Variants in PTPRM observed in about 807,000 individuals in gnomAD.
PTPRM encodes the protein protein tyrosine phosphatase receptor type M, also known as receptor-type tyrosine-protein phosphatase mu.
A neutral mutation model predicts 186.7 loss-of-function variants in PTPRM; 47 were observed. The observed-to-expected ratio is 0.25, with a 90% CI of 0.20 to 0.32. The LOEUF is 0.32. Among genes scored for constraint, PTPRM ranks in the 10% least tolerant of loss-of-function variants. PTPRM has a pLI of 1.00. For synonymous variants in PTPRM, 668 were observed against 674.9 expected, an observed-to-expected ratio of 0.99 and a Z score of 0.16; for missense variants, 1,494 against 1,865.0, an observed-to-expected ratio of 0.80 and a Z score of 3.66.
At chr18:7,772,264 C>CTTTTCTTTTCTTTTCTTTTCTT (rs1323730996) in intron 1 of PTPRM, among the ~76,000 whole-genome samples, 7 of 151,418 alleles carry the variant, frequency 4.6e-5, no homozygotes, top group African/African-American at 1.5e-4. Flanking sequence ...CTTTTCTTTT[C>CTTTTCTTTTCTTTTCTTTTCTT]TTTTCTTTTC....
intron 7 of PTPRM, among the ~76,000 whole-genome samples, chr18:8,036,377 A>G (rs1272271618): frequency 6.6e-6 from 1 of 152,224 alleles, no homozygotes; most frequent in African/African-American, 2.4e-5. Flanking sequence ...GCGTTGGGTA[A>G]GTAGTTGTAT....
Position 8,267,694 on chromosome 18 carries a change from T to A in PTPRM, c.2754+14280T>A, listed in dbSNP as rs575094551. Among the ~76,000 whole-genome samples, 5 of 152,320 alleles carry A rather than the reference T, an allele frequency of 3.3e-5. No individual in the cohort carries two copies. The East Asian group carries it at 9.6e-4, about 29-fold the overall frequency. On this transcript the variant is annotated intron_variant, in intron 19 of 32. Transcript: ENST00000580170. ...AGTATATAAAATGCTTAAGATTCAT[T>A]ACATACTCCTGTTTTGACAACCTGT...
At chr18:8,238,808 T>G (rs1470221508) in intron 14 of PTPRM, among the ~76,000 whole-genome samples, 1 of 151,456 alleles carries the variant, frequency 6.6e-6, no homozygotes, top group Non-Finnish European at 1.5e-5. Context: ...TAGTCTATAG[T>G]GAACCTGTGC....
At chr18:7,930,061 A>C (rs2051389385) in intron 5 of PTPRM, among the ~76,000 whole-genome samples, 1 of 151,998 alleles carries the variant, frequency 6.6e-6, no homozygotes, top group African/African-American at 2.4e-5. Flanking sequence ...GGTGTTTTTG[A>C]ATATAATCAT....
intron 31 of PTPRM, among the ~76,000 whole-genome samples, chr18:8,392,912 TAAAC>T (rs1403124460): frequency 3.3e-5 from 5 of 152,038 alleles, no homozygotes; most frequent in African/African-American, 4.8e-5. Flanking sequence ...ATAAAATAAA[TAAAC>T]AATAATAGGG....
At position 8,126,027 on chromosome 18, in the gene PTPRM, A is replaced by ATATTTTTTTT. The variant is rs57751538; in HGVS notation, c.2167+11201_2167+11202insATTTTTTTTT. Among the ~76,000 whole-genome samples the ATATTTTTTTT allele has an allele frequency of 2.6e-4, 18 of 69,532 alleles. 1 individual carries two copies. Among genetic ancestry groups the ATATTTTTTTT allele is most frequent in the African/African-American group, 6.6e-4 (14 of 21,356 alleles). 45.6% of individuals were successfully genotyped at this position (69,532 alleles called of 152,430 possible). On this transcript the variant is annotated intron_variant, in intron 13 of 32. Coordinates refer to ENST00000580170, the MANE Select transcript of PTPRM (RefSeq NM_001105244.2). ...TATATATATATATATATATATATATATTTTAAATCAGTAGACCTTTCCATT... is the reference window on the plus strand; with the variant it reads ...TATATATATATATATATATATATATATATTTTTTTTTTTTAAATCAGTAGACCTTTCCATT...
At position 8,194,443 on chromosome 18, in the gene PTPRM, G is replaced by A. The variant is rs79055460; in HGVS notation, c.2301-49615G>A. ...AACAGTGTCACTAGAAAGTGACGGC[G>A]GTGGAAAGTTGTCCATAGAGTAACT... On this transcript the variant is annotated intron_variant, in intron 14 of 32. Transcript: ENST00000580170. Among the ~76,000 whole-genome samples, 107 of 152,316 alleles carry A rather than the reference G, an allele frequency of 7.0e-4. 1 individual carries two copies. The East Asian group carries it at 0.015, about 21-fold the overall frequency.
intron 1 of PTPRM, among the ~76,000 whole-genome samples, chr18:7,714,251 C>G (rs912593047): frequency 1.3e-4 from 20 of 152,170 alleles, no homozygotes; most frequent in Non-Finnish European, 1.3e-4. Flanking sequence ...ACTGAACAAT[C>G]TCCTCCTGAG....
At chr18:7,859,534 A>T (rs139867359) in intron 2 of PTPRM, among the ~76,000 whole-genome samples, 102 of 152,336 alleles carry the variant, frequency 6.7e-4, no homozygotes, top group African/African-American at 2.3e-3. Context: ...TCTGAACTTC[A>T]GTGCTCCTAT....
intron 1 of PTPRM, among the ~76,000 whole-genome samples, chr18:7,678,428 G>C (rs1211843095): frequency 6.6e-6 from 1 of 152,146 alleles, no homozygotes; most frequent in Non-Finnish European, 1.5e-5. Flanking sequence ...CTGTATATGA[G>C]AACTACATGC....
At position 8,390,961 on chromosome 18, in the gene PTPRM, A is replaced by G. The variant is rs111542228; in HGVS notation, c.4209-3515A>G. Among the ~76,000 whole-genome samples, 689 of 149,812 alleles carry G rather than the reference A, an allele frequency of 4.6e-3. 4 individuals carry two copies. The highest frequency in any genetic ancestry group is 0.016 in the African/African-American group (643 of 41,066). On this transcript the variant is annotated intron_variant, in intron 31 of 32. Coordinates refer to ENST00000580170, the MANE Select transcript of PTPRM (RefSeq NM_001105244.2). ...AATAATAATAATAATAATAATAATA[A>G]TAATAATAAAGATGTCCCGAATAGC... is the stretch of plus-strand genomic sequence containing the variant.
intron 7 of PTPRM, among the ~76,000 whole-genome samples, chr18:8,067,169 G>A (rs897216014): frequency 5.3e-5 from 8 of 152,268 alleles, no homozygotes; most frequent in Admixed American, 2.6e-4. Flanking sequence ...AGGAAAATGC[G>A]TTAGAACAGT....
intron 19 of PTPRM, among the ~76,000 whole-genome samples, chr18:8,262,011 G>C (rs1385875242): frequency 8.1e-6 from 1 of 123,810 alleles, no homozygotes; most frequent in African/African-American, 2.9e-5. Context: ...CCTTATGTGT[G>C]TCTGGTACTG....
At chr18:8,383,213 G>A (rs12961831) in intron 29 of PTPRM, among the ~76,000 whole-genome samples, 5,802 of 140,678 alleles carry the variant, frequency 0.041, 197 homozygotes, top group Non-Finnish European at 0.061. Flanking sequence ...CAAAAGAATC[G>A]CTTGAACCCG....
chr18:7,673,778 A>G (rs2039272345), intron 1 of PTPRM, among the ~76,000 whole-genome samples: 1 of 152,250 alleles, frequency 6.6e-6, no homozygotes, highest in South Asian at 2.1e-4. Flanking sequence ...ATTTACTAGG[A>G]AAGAAACTAG....
chr18:7,789,734 G>A (rs1453977077), intron 2 of PTPRM, among the ~76,000 whole-genome samples: 1 of 152,162 alleles, frequency 6.6e-6, no homozygotes, highest in South Asian at 2.1e-4. Context: ...AAGTATAGTT[G>A]TGCTTGTGCA....
chr18:8,269,079 C>T (rs745707749), intron 19 of PTPRM, among the ~76,000 whole-genome samples: 2 of 151,870 alleles, frequency 1.3e-5, no homozygotes, highest in Non-Finnish European at 2.9e-5. Context: ...TAGGCAAGAA[C>T]AAGACATTAA....
intron 2 of PTPRM, among the ~76,000 whole-genome samples, chr18:7,873,956 G>A (rs1415578563): frequency 6.6e-6 from 1 of 151,986 alleles, no homozygotes; most frequent in Non-Finnish European, 1.5e-5. Flanking sequence ...GCTCTTTATT[G>A]GATGTTCTTT....
At chr18:8,393,083 C>G (rs1436671441) in intron 31 of PTPRM, among the ~76,000 whole-genome samples, 1 of 152,096 alleles carries the variant, frequency 6.6e-6, no homozygotes, top group Non-Finnish European at 1.5e-5. Flanking sequence ...TTGCGTAGTC[C>G]CAAAATATCT....
Sources: gnomAD v4.1 joint callset for allele counts (sites outside exome capture counted in the v4.1 genomes callset) on GRCh38, gnomAD v4.1.1 for gene constraint, MANE v1.5 for transcripts, NCBI Gene and HGNC (gene_info 2026-07-23, HGNC 2026-07-21) for gene names.